MLLT10: variants seen among roughly 807,000 people sequenced by gnomAD.
The protein encoded by MLLT10 is MLLT10 histone lysine methyltransferase DOT1L cofactor, also known as protein AF-10.
MLLT10 carries 30 observed loss-of-function variants against 129.1 expected under a neutral mutation model. That is an observed-to-expected ratio of 0.23 (90% confidence interval 0.17 to 0.32). The LOEUF (loss-of-function observed/expected upper bound fraction) is 0.32. MLLT10 is among the 10% of genes least tolerant of loss of function. The pLI is 1.00. For missense variants in MLLT10, 1,119 were observed against 1,268.3 expected, an observed-to-expected ratio of 0.88 and a Z score of 1.79; for synonymous variants, 490 against 446.4, an observed-to-expected ratio of 1.10 and a Z score of -1.23.
chr10:21,714,027 C>A, intron 14 of MLLT10, 77 bp downstream of exon 14: 1 of 1,296,422 alleles, frequency 7.7e-7, no homozygotes, highest in Non-Finnish European at 1.1e-6. Flanking sequence ...GGAGGAGAAA[C>A]AAATGACATA....
At chr10:21,670,111 TA>T (rs149824486) in intron 9 of MLLT10, among the ~76,000 whole-genome samples, 2,996 of 151,398 alleles carry the variant, frequency 0.02, 87 homozygotes, top group African/African-American at 0.064. Flanking sequence ...TAGACATTGT[TA>T]AAAAAAAATG....
chr10:21,733,711 T>A, intron 19 of MLLT10, 57 bp from the exon 20 acceptor site: 1 of 1,542,836 alleles, frequency 6.5e-7, no homozygotes, highest in Non-Finnish European at 8.7e-7. Context: ...TTTCTCTTCT[T>A]TCTTACGCTG....
chr10:21,554,455 ATTTT>A (rs1169101928), intron 3 of MLLT10, among the ~76,000 whole-genome samples: 1 of 139,764 alleles, frequency 7.2e-6, no homozygotes. Context: ...CTTCACTTAA[ATTTT>A]TTTTTTTTTT....
At chr10:21,717,564 TTCC>T (rs2056723342) in intron 14 of MLLT10, among the ~76,000 whole-genome samples, 1 of 125,178 alleles carries the variant, frequency 8.0e-6, no homozygotes, top group African/African-American at 3.0e-5. Context: ...TTCTTCTTTC[TTCC>T]TCTTCCTCTT....
At chr10:21,606,306 G>A (rs187242250) in intron 5 of MLLT10, among the ~76,000 whole-genome samples, 189 of 152,300 alleles carry the variant, frequency 1.2e-3, no homozygotes, top group Middle Eastern at 0.01. Context: ...ACAAGAAAAT[G>A]TTCTTTTCAT....
intron 11 of MLLT10, among the ~76,000 whole-genome samples, chr10:21,680,011 G>T (rs761619692): frequency 6.6e-6 from 1 of 152,072 alleles, no homozygotes; most frequent in Admixed American, 6.6e-5. Flanking sequence ...TTGAGTCACA[G>T]CCTTGGTCCT....
chr10:21,624,650 T>C, intron 8 of MLLT10: 2 of 1,461,412 alleles, frequency 1.4e-6, no homozygotes, highest in Non-Finnish European at 1.9e-6. Context: ...ATTGTAACCA[T>C]AGTTACCAGA....
At chr10:21,582,106 G>T (rs1268858188) in intron 3 of MLLT10, among the ~76,000 whole-genome samples, 2 of 151,308 alleles carry the variant, frequency 1.3e-5, no homozygotes, top group African/African-American at 2.4e-5. Context: ...ATAGTACATT[G>T]TTATTTTTTT....
At chr10:21,670,394 T>C in intron 9 of MLLT10, 55 bp from the exon 10 acceptor site, 3 of 1,511,770 alleles carry the variant, frequency 2.0e-6, no homozygotes. Flanking sequence ...CATTGTTTTC[T>C]GTAACTAAAA....
chr10:21,653,005 CAA>C (rs2049202008), intron 9 of MLLT10, among the ~76,000 whole-genome samples: 1 of 152,040 alleles, frequency 6.6e-6, no homozygotes, highest in South Asian at 2.1e-4. Flanking sequence ...TCACTGTTAA[CAA>C]AGAGGGGAAA....
At chr10:21,634,408 G>A (rs1219519632) in intron 8 of MLLT10, among the ~76,000 whole-genome samples, 1 of 152,186 alleles carries the variant, frequency 6.6e-6, no homozygotes, top group African/African-American at 2.4e-5. Context: ...CTTGTTCTCA[G>A]TGCATTGTAT....
chr10:21,669,032 GA>G, intron 9 of MLLT10: 1 of 1,381,570 alleles, frequency 7.2e-7, no homozygotes, highest in Non-Finnish European at 9.6e-7. Context: ...GCCCAGCATG[GA>G]AAAGGTTCAT....
chr10:21,589,671 C>T (rs957336510), intron 4 of MLLT10, among the ~76,000 whole-genome samples: 3 of 152,180 alleles, frequency 2.0e-5, no homozygotes, highest in South Asian at 2.1e-4. Context: ...TTATTTTTGT[C>T]ATGTACTTTC....
At chr10:21,627,428 A>T (rs893404010) in intron 8 of MLLT10, among the ~76,000 whole-genome samples, 1 of 152,342 alleles carries the variant, frequency 6.6e-6, no homozygotes, top group South Asian at 2.1e-4. Context: ...GATGTCATCT[A>T]CACCAAAGGG....
chr10:21,599,401 A>AT (rs1165355273), intron 5 of MLLT10, among the ~76,000 whole-genome samples: 4 of 152,160 alleles, frequency 2.6e-5, no homozygotes, highest in Non-Finnish European at 5.9e-5. Flanking sequence ...GTGAATATAC[A>AT]TACACACACT....
intron 5 of MLLT10, among the ~76,000 whole-genome samples, chr10:21,602,585 T>C (rs1432593034): frequency 1.3e-5 from 2 of 152,188 alleles, no homozygotes; most frequent in Admixed American, 1.3e-4. Context: ...TAGGGGCATA[T>C]AGATCATTTT....
chr10:21,741,966 G>T lies in MLLT10; in HGVS notation c.3190G>T (p.Ala1064Ser), dbSNP rs756312975. ...ARLSDKTGPVAQEKS is the reference protein window; with the variant it reads ...ARLSDKTGPVSQEKS Reference sequence around the variant, plus strand: ...ACTTAGTGATAAAACTGGGCCTGTAGCTCAAGAGAAAAGTTGACACCTGAG... The same window carrying T: ...ACTTAGTGATAAAACTGGGCCTGTATCTCAAGAGAAAAGTTGACACCTGAG... Residue 1064 changes from alanine (A) to serine (S), a missense_variant, in exon 23 of 23, where the codon GCT (alanine) becomes TCT (serine). By Grantham distance (99) the Ala-to-Ser change is moderately conservative. Transcript: ENST00000307729. 2.0e-5 allele frequency: 33 copies of T among 1,612,216 alleles called. No individual in the cohort carries two copies. The Middle Eastern group carries it at 2.1e-3, about 105-fold the overall frequency.
intron 3 of MLLT10, among the ~76,000 whole-genome samples, chr10:21,559,133 G>C (rs183684435): frequency 2.0e-5 from 3 of 152,302 alleles, no homozygotes; most frequent in Admixed American, 2.0e-4. Context: ...GCCCAGGCTG[G>C]AGTGCAGTGG....
intron 2 of MLLT10, among the ~76,000 whole-genome samples, chr10:21,536,343 T>C (rs1371707138): frequency 6.6e-6 from 1 of 152,230 alleles, no homozygotes; most frequent in African/African-American, 2.4e-5. Context: ...CCCATGTTCA[T>C]TGGCATTTTG....
Sources: gnomAD v4.1 joint callset for allele counts (sites outside exome capture counted in the v4.1 genomes callset) on GRCh38, gnomAD v4.1.1 for gene constraint, MANE v1.5 for transcripts, NCBI Gene and HGNC (gene_info 2026-07-23, HGNC 2026-07-21) for gene names.